Variants in PC observed in about 807,000 individuals in gnomAD.
The protein encoded by PC is pyruvate carboxylase, also known as pyruvate carboxylase, mitochondrial.
In PC, 46 loss-of-function variants were observed where a neutral mutation model predicts 107.8. The observed-to-expected ratio is 0.43, with a 90% confidence interval of 0.34 to 0.55. PC has a LOEUF of 0.55. PC is among the 20% of genes least tolerant of loss of function. The pLI is 0.04. For missense variants in PC, 1,241 were observed against 1,643.1 expected, an observed-to-expected ratio of 0.76 and a Z score of 4.23; for synonymous variants, 662 against 684.7, an observed-to-expected ratio of 0.97 and a Z score of 0.52.
chr11:66,896,516 G>A (rs1591245970), intron 3 of PC, among the ~76,000 whole-genome samples: 1 of 152,238 alleles, frequency 6.6e-6, no homozygotes, highest in East Asian at 1.9e-4. Context: ...CGAGAAAGAG[G>A]AGCGGGGAAC....
intron 10 of PC, among the ~76,000 whole-genome samples, chr11:66,868,467 A>T (rs1208578621): frequency 6.6e-6 from 1 of 152,242 alleles, no homozygotes; most frequent in Non-Finnish European, 1.5e-5. Context: ...AAACCGGGAA[A>T]GGAGCAAACC....
At chr11:66,927,797 G>A (rs1190372939) in intron 3 of PC, among the ~76,000 whole-genome samples, 3 of 151,964 alleles carry the variant, frequency 2.0e-5, no homozygotes, top group Non-Finnish European at 2.9e-5. Flanking sequence ...AGGGCTGGAT[G>A]GTGTCAAGCC....
At position 66,871,813 on chromosome 11, in the gene PC, G is replaced by A. The variant is rs1437213802; in HGVS notation, c.195C>T (p.Ala65=). ...ACTELGIRTV[A]IYSEQDTGQM... ...GGCCCGTGTCCTGCTCAGAGTAGAT[G>A]GCTACGGTGCGGATGCCCAGCTCCG... The change falls in exon 5 of 23, where the codon GCC becomes GCT. Residue 65 remains alanine, a synonymous_variant. Transcript: ENST00000393960. This position sits in a 1 kb window ranked among gnomAD's most constrained non-coding sequence, Gnocchi z 7.4. The A allele has an allele frequency of 6.2e-7, 1 of 1,609,202 alleles. No individual in the cohort carries two copies. The highest frequency in any genetic ancestry group is 8.5e-7 in the Non-Finnish European group (1 of 1,179,450).
chr11:66,856,461 G>A (rs1365961476), intron 12 of PC, among the ~76,000 whole-genome samples: 2 of 152,036 alleles, frequency 1.3e-5, no homozygotes, highest in Non-Finnish European at 2.9e-5. Flanking sequence ...AGCCCTCTCG[G>A]CCCCACCCCG....
chr11:66,915,959 A>G (rs906930899), intron 3 of PC, among the ~76,000 whole-genome samples: 3 of 152,064 alleles, frequency 2.0e-5, no homozygotes, highest in African/African-American at 7.2e-5. Flanking sequence ...TCTTTCCTAC[A>G]ACGCTCTTTA....
Position 66,921,923 on chromosome 11 carries a change from T to A in PC, c.-1+30507A>T, listed in dbSNP as rs1343470418. 2.0e-5 allele frequency among the ~76,000 whole-genome samples: 3 copies of A among 152,216 alleles called. No individual in the cohort carries two copies. In the East Asian group the frequency reaches 5.8e-4, roughly 29 times the overall value. On this transcript the variant is annotated intron_variant, in intron 3 of 22. Transcript: ENST00000393960. ...ACACTTTGGAACTGTCCCTGAGATC[T>A]GACTGTCAAGGATCTACAAAGAGAA... is the stretch of plus-strand genomic sequence containing the variant.
At chr11:66,860,164 G>A (rs1330329268) in intron 12 of PC, 6 of 1,547,724 alleles carry the variant, frequency 3.9e-6, no homozygotes, top group Non-Finnish European at 5.2e-6. Flanking sequence ...GTAGGAGGCA[G>A]CGCCGAGCGG....
At chr11:66,946,222 C>CGTG (rs951763999) in intron 3 of PC, among the ~76,000 whole-genome samples, 1 of 152,010 alleles carries the variant, frequency 6.6e-6, no homozygotes, top group African/African-American at 2.4e-5. Flanking sequence ...TGAGGCCAGG[C>CGTG]GTGGTGACTC....
chr11:66,876,366 A>G (rs1321042923), intron 3 of PC, among the ~76,000 whole-genome samples: 1 of 152,198 alleles, frequency 6.6e-6, no homozygotes, highest in Non-Finnish European at 1.5e-5. Flanking sequence ...AAATGCTAGT[A>G]TTGGGGGAAC....
At chr11:66,954,070 C>G (rs1051957307) in intron 2 of PC, among the ~76,000 whole-genome samples, 179 bp downstream of exon 2, 6 of 152,164 alleles carry the variant, frequency 3.9e-5, no homozygotes, top group African/African-American at 1.4e-4. Flanking sequence ...ATAGATTTGG[C>G]AAGCCTTAAT....
chr11:66,854,674 T>C (rs1458991919), intron 12 of PC, among the ~76,000 whole-genome samples: 1 of 152,108 alleles, frequency 6.6e-6, no homozygotes, highest in Non-Finnish European at 1.5e-5. Context: ...CACTTATTCA[T>C]GATCCCTGTC....
chr11:66,913,776 G>C (rs1377383236), intron 3 of PC, among the ~76,000 whole-genome samples: 2 of 152,152 alleles, frequency 1.3e-5, no homozygotes, highest in African/African-American at 4.8e-5. Flanking sequence ...GAGGGATGGA[G>C]AGTACCCCAA....
chr11:66,862,648 G>T (rs1241644338), intron 12 of PC, among the ~76,000 whole-genome samples: 1 of 152,238 alleles, frequency 6.6e-6, no homozygotes, highest in African/African-American at 2.4e-5. Flanking sequence ...TCTGAGGGTG[G>T]CTCCCACGGG....
chr11:66,851,802 T>C lies in PC; in HGVS notation c.1970A>G (p.Asn657Ser). ...ACCCCAGGCTCACTTGAAGACCACG[T>C]TGTCTGGGTAGTTGGTGTAGCCCAC... ...NAVGYTNYPD[N>S]VVFKFCEVAK... is the part of the protein sequence containing the mutation. Residue 657 changes from asparagine to serine, a missense_variant, in exon 16 of 23, where the codon AAC becomes AGC. By Grantham distance (46) the Asn-to-Ser change is conservative. This residue lies in a region of PC where 1,143 missense variants were observed against 1,551.9 expected (regional missense o/e 0.74). Coordinates refer to ENST00000393960, the MANE Select transcript of PC (RefSeq NM_001040716.2). 1 of 1,614,048 alleles carries C rather than the reference T, an allele frequency of 6.2e-7. No individual in the cohort carries two copies. The highest frequency in any genetic ancestry group is 8.5e-7 in the Non-Finnish European group (1 of 1,179,972).
chr11:66,943,220 G>A (rs903094994), intron 3 of PC, among the ~76,000 whole-genome samples: 2 of 151,546 alleles, frequency 1.3e-5, no homozygotes, highest in Admixed American at 6.6e-5. Context: ...GGTGGCTGGC[G>A]CCTATAATCC....
intron 12 of PC, chr11:66,859,226 C>A (rs1946089278): frequency 8.2e-7 from 1 of 1,223,852 alleles, no homozygotes; most frequent in Non-Finnish European, 1.1e-6. Flanking sequence ...CTGCTGGACT[C>A]TTGGAGGAGC....
rs374682909 is a variant in PC, at chr11:66,849,269, C to A, written c.3249G>T (p.Gln1083His). Reference protein sequence around the residue: ...QRQVFFELNGQLRSILVKDTQ... With the variant: ...QRQVFFELNGHLRSILVKDTQ... ...TGTCCTTGACCAAGATGGACCGCAG[C>A]TGCCCATTGAGCTCAAAGAAGACCT... The change falls in exon 22 of 23, where the codon CAG (glutamine) becomes CAT (histidine). Residue 1083 changes from glutamine (Q) to histidine (H), a missense_variant. This residue lies in a region of PC where 1,143 missense variants were observed against 1,551.9 expected (regional missense o/e 0.74). Transcript: ENST00000393960. The A allele has an allele frequency of 5.0e-6, 8 of 1,613,544 alleles. No homozygotes were observed. The highest frequency in any genetic ancestry group is 2.7e-5 in the African/African-American group (2 of 74,944).
rs1946084980 is a variant in PC at position 66,859,157 on chromosome 11, A to C, written c.1368+4617T>G. The C allele has an allele frequency of 2.7e-6, 4 of 1,455,562 alleles. No individual in the cohort carries two copies. The South Asian group carries it at 4.6e-5, about 17-fold the overall frequency. The allele number at this position is 1,455,562 out of a possible 1,614,324, so 90.2% of individuals were successfully genotyped here. On this transcript the variant is annotated intron_variant, in intron 12 of 22. Coordinates refer to ENST00000393960, the MANE Select transcript of PC (RefSeq NM_001040716.2). ...GCCCTTCCTCCGCCCTCTGCTCCCCACAAGGCTTTGCTTCCACCCCTCCTC... is the reference window on the plus strand; with the variant it reads ...GCCCTTCCTCCGCCCTCTGCTCCCCCCAAGGCTTTGCTTCCACCCCTCCTC...
At chr11:66,889,322 C>G (rs553579592) in intron 3 of PC, among the ~76,000 whole-genome samples, 3 of 151,644 alleles carry the variant, frequency 2.0e-5, no homozygotes, top group Non-Finnish European at 4.4e-5. Flanking sequence ...ACAGGGGTGG[C>G]GGGGGCAAAT....
Sources: gnomAD v4.1 joint callset for allele counts (sites outside exome capture counted in the v4.1 genomes callset) on GRCh38, gnomAD v4.1.1 for gene constraint, gnomAD v4.1.1 regional missense constraint, Gnocchi (gnomAD v3.1) non-coding constraint, MANE v1.5 for transcripts, NCBI Gene and HGNC (gene_info 2026-07-23, HGNC 2026-07-21) for gene names.